CENPF: variants seen among roughly 807,000 people sequenced by gnomAD.
CENPF encodes the protein centromere protein F.
CENPF carries 214 observed loss-of-function variants against 307.3 expected under a neutral mutation model. The ratio of observed to expected loss-of-function variants is 0.70; its 90% CI spans 0.62 to 0.78. The LOEUF is 0.78. Ranked by LOEUF, CENPF falls within the 30% of genes least tolerant of loss-of-function variation. The probability of loss-of-function intolerance (pLI) is 0.00; values close to 1 mark genes in which losing one functional copy is unlikely to be tolerated. For synonymous variants in CENPF, 1,259 were observed against 1,270.6 expected, an observed-to-expected ratio of 0.99 and a Z score of 0.19; for missense variants, 3,401 against 3,483.9, an observed-to-expected ratio of 0.98 and a Z score of 0.60.
At chr1:214,617,110 GGCAC>G (rs1185283212) in intron 3 of CENPF, among the ~76,000 whole-genome samples, 1 of 150,864 alleles carries the variant, frequency 6.6e-6, no homozygotes, top group Non-Finnish European at 1.5e-5. Flanking sequence ...GCAGTGCTGT[GGCAC>G]AGTTTCAGCT....
intron 3 of CENPF, among the ~76,000 whole-genome samples, chr1:214,616,403 A>G (rs940388001): frequency 9.9e-5 from 15 of 152,212 alleles, no homozygotes; most frequent in East Asian, 3.8e-4. Context: ...TAGACCTGCA[A>G]CGTCCAATAT....
rs144056113 is a variant in CENPF at position 214,606,097 on chromosome 1, G to A, written c.-42+2776G>A. Reference sequence around the variant, plus strand: ...TGCCGTACCTGGAGGCGCCGGAGCAGGGTCAGCCGCGGCCTCCGACGCGCG... The same window carrying A: ...TGCCGTACCTGGAGGCGCCGGAGCAAGGTCAGCCGCGGCCTCCGACGCGCG... On this transcript the variant is annotated intron_variant, in intron 1 of 19. Coordinates refer to ENST00000366955, the MANE Select transcript of CENPF (RefSeq NM_016343.4). The A allele has an allele frequency of 4.6e-3, 7,362 of 1,584,104 alleles. 281 individuals are homozygous for A. In the African/African-American group the frequency reaches 0.081, roughly 17 times the overall value.
chr1:214,650,476 C>T (rs866565045), intron 14 of CENPF, among the ~76,000 whole-genome samples: 26 of 151,970 alleles, frequency 1.7e-4, no homozygotes, highest in African/African-American at 5.8e-4. Context: ...CAGGGCCTAG[C>T]CTGGAGGAAC....
chr1:214,633,525 T>C (rs919563862), intron 10 of CENPF, among the ~76,000 whole-genome samples: 4 of 152,258 alleles, frequency 2.6e-5, no homozygotes, highest in Admixed American at 1.3e-4. Flanking sequence ...ATGATCACTT[T>C]TTAGGCTGTA....
At chr1:214,603,828 T>G (rs1338088671) in intron 1 of CENPF, among the ~76,000 whole-genome samples, 3 of 152,016 alleles carry the variant, frequency 2.0e-5, no homozygotes, top group African/African-American at 7.3e-5. Context: ...TCCACATTTT[T>G]TTTTTTCTTT....
chr1:214,630,595 C>T lies in CENPF; in HGVS notation c.1256C>T (p.Ala419Val), dbSNP rs1482863923. The change falls in exon 9 of 20, where the codon GCC (alanine) becomes GTC (valine). Residue 419 changes from alanine (A) to valine (V), a missense_variant. By Grantham distance (64) the Ala-to-Val change is moderately conservative. Transcript: ENST00000366955. ...TLDQECIQMK[A>V]RLTQELQQAK... is the part of the protein sequence containing the mutation. ...GACCAGGAGTGCATCCAGATGAAGG[C>T]CAGACTCACCCAGGAGTTACAGCAA... The T allele has an allele frequency of 1.9e-6, 3 of 1,614,024 alleles. No individual in the cohort carries two copies. The African/African-American group carries it at 4.0e-5, about 22-fold the overall frequency.
rs139822426 is a variant in CENPF at position 214,632,554 on chromosome 1, G to A, written c.1398G>A (p.Ala466=). 3.2e-4 allele frequency: 521 copies of A among 1,614,080 alleles called. 5 individuals are homozygous for A. In the East Asian group the frequency reaches 8.6e-3, roughly 27 times the overall value. Residue 466 remains alanine, a synonymous_variant, in exon 10 of 20, where the codon GCG becomes GCA. Transcript: ENST00000366955. ...AAAAGTTGTGCAGAGCTGAACAGGC[G>A]TTCCAGGCGAGTCAGATCAAGGAGA... ...FKQKLCRAEQ[A]FQASQIKENE...
chr1:214,641,231 A>G lies in CENPF; in HGVS notation c.2893A>G (p.Asn965Asp). The G allele has an allele frequency of 6.2e-7, 1 of 1,603,420 alleles. No individual in the cohort carries two copies. The highest frequency in any genetic ancestry group is 8.5e-7 in the Non-Finnish European group (1 of 1,177,222). Residue 965 changes from asparagine to aspartate, a missense_variant, in exon 12 of 20, where the codon AAT becomes GAT. Physicochemically the swap from Asn to Asp is conservative, Grantham distance 23 (BLOSUM62 1). Coordinates refer to ENST00000366955, the MANE Select transcript of CENPF (RefSeq NM_016343.4). Reference protein sequence around the residue: ...KKEMSSIISLNKREIEELTQE... With the variant: ...KKEMSSIISLDKREIEELTQE... ...AGAAATGAGTTCCATCATTTCTCTA[A>G]ATAAAAGGGAAATTGAAGAGCTGAC... is the stretch of plus-strand genomic sequence containing the variant.
intron 19 of CENPF, among the ~76,000 whole-genome samples, chr1:214,663,131 A>G (rs1658828760): frequency 6.6e-6 from 1 of 152,270 alleles, no homozygotes; most frequent in South Asian, 2.1e-4. Context: ...ACAGTCAGCC[A>G]TAAAGGGAGA....
At chr1:214,648,011 A>C (rs1301234594) in intron 13 of CENPF, 1 of 490,880 alleles carries the variant, frequency 2.0e-6, no homozygotes, top group Non-Finnish European at 4.1e-6. Context: ...CTCAATTATT[A>C]AAGAAAAATT....
At chr1:214,605,120 C>T (rs1489390250) in intron 1 of CENPF, among the ~76,000 whole-genome samples, 2 of 152,130 alleles carry the variant, frequency 1.3e-5, no homozygotes, top group Admixed American at 1.3e-4. Flanking sequence ...TGTTTATGTT[C>T]TGAAGGCTAA....
At chr1:214,656,902 T>G (rs1252049292) in intron 17 of CENPF, 31 bp from the exon 18 acceptor site, 1 of 1,356,382 alleles carries the variant, frequency 7.4e-7, no homozygotes, top group East Asian at 2.3e-5. Context: ...AGCATCAAGT[T>G]GCACATGATG....
intron 18 of CENPF, 50 bp downstream of exon 18, chr1:214,657,459 A>C (rs1430253141): frequency 7.4e-7 from 1 of 1,355,526 alleles, no homozygotes; most frequent in Admixed American, 1.9e-5. Flanking sequence ...GAAATTCCAT[A>C]TAATGGTTCA....
Position 214,645,347 on chromosome 1 carries a change from A to C in CENPF, c.5777A>C (p.Glu1926Ala). ...HEALYLEADLEVVQTEKLCLE... is the reference protein window; with the variant it reads ...HEALYLEADLAVVQTEKLCLE... ...GCCCTCTACCTGGAGGCTGACTTAG[A>C]GGTAGTTCAAACAGAGAAGCTATGT... Residue 1926 changes from glutamate to alanine, a missense_variant, in exon 13 of 20, where the codon GAG becomes GCG. Transcript: ENST00000366955. The C allele has an allele frequency of 6.2e-7, 1 of 1,614,150 alleles. No individual in the cohort carries two copies.
chr1:214,635,277 A>G (rs1470547852), intron 10 of CENPF, among the ~76,000 whole-genome samples: 1 of 152,248 alleles, frequency 6.6e-6, no homozygotes, highest in African/African-American at 2.4e-5. Context: ...AGCTATATTC[A>G]TGGATGGGAT....
intron 3 of CENPF, among the ~76,000 whole-genome samples, chr1:214,617,000 C>A (rs28647173): frequency 6.2e-5 from 8 of 128,606 alleles, no homozygotes; most frequent in African/African-American, 2.3e-4. Flanking sequence ...CTCTCTTTCT[C>A]TCTTTCTTTC....
chr1:214,658,605 A>G (rs1571730450), intron 18 of CENPF, among the ~76,000 whole-genome samples: 1 of 152,002 alleles, frequency 6.6e-6, no homozygotes, highest in African/African-American at 2.4e-5. Context: ...GTGTAGTGTT[A>G]TTTTCCCCTT....
At chr1:214,634,080 A>T (rs1209248449) in intron 10 of CENPF, among the ~76,000 whole-genome samples, 1 of 152,210 alleles carries the variant, frequency 6.6e-6, no homozygotes, top group Non-Finnish European at 1.5e-5. Flanking sequence ...AGACTTGTTC[A>T]TCCCCACGAG....
intron 16 of CENPF, 42 bp downstream of exon 16, chr1:214,653,031 T>G (rs1211596021): frequency 6.5e-7 from 1 of 1,527,224 alleles, no homozygotes; most frequent in South Asian, 1.1e-5. Context: ...GAATGGTTTA[T>G]ACAGGTGGTA....
Sources: gnomAD v4.1 joint callset for allele counts (sites outside exome capture counted in the v4.1 genomes callset) on GRCh38, gnomAD v4.1.1 for gene constraint, MANE v1.5 for transcripts, NCBI Gene and HGNC (gene_info 2026-07-23, HGNC 2026-07-21) for gene names.